ADAMTS9: variants seen among roughly 807,000 people sequenced by gnomAD.
ADAMTS9 encodes ADAM metallopeptidase with thrombospondin type 1 motif 9.
ADAMTS9 carries 107 observed loss-of-function variants against 257.1 expected under a neutral mutation model. That is an observed-to-expected ratio of 0.42 (90% CI 0.36 to 0.49). The LOEUF (loss-of-function observed/expected upper bound fraction) is 0.49. Among genes scored for constraint, ADAMTS9 ranks in the 20% least tolerant of loss-of-function variants. The pLI is 0.03. For synonymous variants in ADAMTS9, 982 were observed against 880.9 expected (o/e 1.11, Z -2.03); for missense variants, 2,353 against 2,469.1 (o/e 0.95, Z 1.00).
chr3:64,600,675 A>G (rs2084444139), intron 26 of ADAMTS9, among the ~76,000 whole-genome samples: 3 of 152,212 alleles, frequency 2.0e-5, no homozygotes, highest in Admixed American at 2.0e-4. Flanking sequence ...AATCTCTTCT[A>G]ATCTAGGCAA....
intron 37 of ADAMTS9, among the ~76,000 whole-genome samples, chr3:64,535,345 C>T (rs1366206397): frequency 1.3e-5 from 2 of 152,216 alleles, no homozygotes; most frequent in East Asian, 3.9e-4. Flanking sequence ...TGCCACTGCA[C>T]TCCAGCCTGG....
chr3:64,680,241 G>T (rs1471797969), intron 3 of ADAMTS9, among the ~76,000 whole-genome samples: 5 of 152,144 alleles, frequency 3.3e-5, no homozygotes, highest in Non-Finnish European at 7.3e-5. Flanking sequence ...TGGTGGTCTT[G>T]AATTTAGGCC....
At chr3:64,570,722 A>C (rs1376873009) in intron 28 of ADAMTS9, among the ~76,000 whole-genome samples, 1 of 142,034 alleles carries the variant, frequency 7.0e-6, no homozygotes, top group South Asian at 2.3e-4. Flanking sequence ...AAAAAAAAAA[A>C]GATGTATTTT....
In ADAMTS9 at chr3:64,616,365, G is replaced by A. The variant is rs9830287; in HGVS notation, c.2814-195C>T. Among the ~76,000 whole-genome samples, 181 of 152,248 alleles carry A rather than the reference G, an allele frequency of 1.2e-3. 1 individual carries two copies. Among genetic ancestry groups the A allele is most frequent in the African/African-American group, 4.1e-3 (169 of 41,538 alleles). On this transcript the variant is annotated intron_variant, in intron 19 of 39. Transcript: ENST00000498707. ...CCATGTGTTTTTCATGGCTGCCAAT[G>A]TACATAGAAGTCACAGAATGACAGC...
chr3:64,601,759 G>A (rs1032291993), intron 26 of ADAMTS9, among the ~76,000 whole-genome samples, 185 bp downstream of exon 26: 3 of 152,172 alleles, frequency 2.0e-5, no homozygotes, highest in South Asian at 4.1e-4. Flanking sequence ...ATAGGTGGAC[G>A]CAGGCAGTAT....
intron 12 of ADAMTS9, among the ~76,000 whole-genome samples, chr3:64,634,748 G>A (rs1043028680): frequency 3.9e-5 from 6 of 152,148 alleles, no homozygotes; most frequent in African/African-American, 1.4e-4. Context: ...TTTCACAACT[G>A]CCCTAGGACA....
intron 11 of ADAMTS9, among the ~76,000 whole-genome samples, chr3:64,643,132 C>T (rs1463124667): frequency 6.6e-6 from 1 of 152,160 alleles, no homozygotes; most frequent in African/African-American, 2.4e-5. Flanking sequence ...CCCTGGGTGA[C>T]TCAGGACCCA....
intron 22 of ADAMTS9, 104 bp downstream of exon 22, chr3:64,613,241 C>G: frequency 7.1e-7 from 1 of 1,405,512 alleles, no homozygotes; most frequent in Middle Eastern, 2.1e-4. Context: ...TGCATGCCAC[C>G]CGGCACAGCG....
chr3:64,573,819 GA>G (rs1162267158), intron 28 of ADAMTS9, among the ~76,000 whole-genome samples: 13 of 152,214 alleles, frequency 8.5e-5, no homozygotes, highest in African/African-American at 3.1e-4. Context: ...AGGCAAAGGA[GA>G]TGCCAGCCTG....
chr3:64,556,886 C>A (rs2083345063), intron 30 of ADAMTS9, among the ~76,000 whole-genome samples: 1 of 152,060 alleles, frequency 6.6e-6, no homozygotes, highest in Non-Finnish European at 1.5e-5. Context: ...TTCACAGATT[C>A]ATTCATTTAA....
chr3:64,649,051 G>A (rs907849428), intron 10 of ADAMTS9, among the ~76,000 whole-genome samples: 7 of 152,090 alleles, frequency 4.6e-5, no homozygotes, highest in African/African-American at 1.7e-4. Context: ...ACACAGCTCT[G>A]CTCATCTGTA....
intron 22 of ADAMTS9, among the ~76,000 whole-genome samples, chr3:64,612,280 A>G (rs770374900): frequency 3.3e-5 from 5 of 152,216 alleles, no homozygotes; most frequent in East Asian, 1.9e-4. Flanking sequence ...AGGCCTGTCA[A>G]TTCTAACAGA....
At chr3:64,603,054 C>G (rs1376833768) in intron 25 of ADAMTS9, among the ~76,000 whole-genome samples, 2 of 152,130 alleles carry the variant, frequency 1.3e-5, no homozygotes, top group Non-Finnish European at 2.9e-5. Flanking sequence ...GTGAGATTAT[C>G]TACTATTTAT....
intron 28 of ADAMTS9, among the ~76,000 whole-genome samples, chr3:64,593,376 G>GT (rs2084297378): frequency 6.6e-6 from 1 of 152,124 alleles, no homozygotes; most frequent in Non-Finnish European, 1.5e-5. Flanking sequence ...TTCTGGATAT[G>GT]ACTTAATACA....
At chr3:64,640,370 C>T (rs1700607337) in intron 12 of ADAMTS9, among the ~76,000 whole-genome samples, 2 of 152,144 alleles carry the variant, frequency 1.3e-5, no homozygotes, top group African/African-American at 2.4e-5. Flanking sequence ...GAAGCTTTGC[C>T]AATATTAGAC....
At chr3:64,576,729 C>T (rs2083860512) in intron 28 of ADAMTS9, among the ~76,000 whole-genome samples, 1 of 152,170 alleles carries the variant, frequency 6.6e-6, no homozygotes, top group African/African-American at 2.4e-5. Flanking sequence ...GCCATCCTCC[C>T]ATCCCCACTG....
intron 38 of ADAMTS9, among the ~76,000 whole-genome samples, chr3:64,528,104 C>T (rs963414092): frequency 6.6e-6 from 1 of 152,198 alleles, no homozygotes; most frequent in Non-Finnish European, 1.5e-5. Context: ...GGCCCTAGTT[C>T]TTCCCTGACC....
At chr3:64,677,958 AACAT>A (rs1260309926) in intron 3 of ADAMTS9, among the ~76,000 whole-genome samples, 32 of 152,296 alleles carry the variant, frequency 2.1e-4, no homozygotes, top group African/African-American at 7.5e-4. Context: ...TTCCCTTTTT[AACAT>A]AAGTTATCTC....
In ADAMTS9 at chr3:64,681,235, C is replaced by A; in HGVS notation, c.645G>T (p.Glu215Asp). 1 of 1,613,612 alleles carries A rather than the reference C, an allele frequency of 6.2e-7. No homozygotes were observed. Among genetic ancestry groups the A allele is most frequent in the South Asian group, 1.1e-5 (1 of 90,982 alleles). Residue 215 changes from glutamate (E) to aspartate (D), a missense_variant, in exon 3 of 40, where the codon GAG becomes GAT. Around this residue, in one of 3 missense-constraint regions of ADAMTS9, gnomAD observed 591 missense variants for 569.6 expected, o/e 1.04. Transcript: ENST00000498707. ...IIYRRSAPQR[E>D]PSTGRHACDT... ...CACATGCATGCCTTCCTGTTGAGGG[C>A]TCTCTCTGGGGGGCGCTGCGCCTAT...
Sources: gnomAD v4.1 joint callset for allele counts (sites outside exome capture counted in the v4.1 genomes callset) on GRCh38, gnomAD v4.1.1 for gene constraint, gnomAD v4.1.1 regional missense constraint, MANE v1.5 for transcripts, NCBI Gene and HGNC (gene_info 2026-07-23, HGNC 2026-07-21) for gene names.